The following DPH6 variants were observed in gnomAD, a reference collection of about 807,000 sequenced individuals.
The protein encoded by DPH6 is diphthamine biosynthesis 6.
DPH6 carries 33 observed loss-of-function variants against 38.2 expected under a neutral mutation model. That is an observed-to-expected ratio of 0.86 (90% CI 0.65 to 1.15). The LOEUF is 1.15. Among genes scored for constraint, DPH6 ranks in the 50% most tolerant of loss-of-function variants. The pLI, the probability that DPH6 is intolerant of heterozygous loss-of-function variation, is 0.00. For synonymous variants in DPH6, 108 were observed against 103.0 expected (o/e 1.05, Z -0.30); for missense variants, 325 against 320.0 (o/e 1.02, Z -0.12).
chr15:35,184,510 T>C, the DPH6 span, among the ~76,000 whole-genome samples: 3 of 151,702 alleles, frequency 2.0e-5, no homozygotes, highest in Admixed American at 6.6e-5. Flanking sequence ...AATGGCAAGG[T>C]CAAAAGGATC....
the DPH6 span, among the ~76,000 whole-genome samples, chr15:35,166,001 C>T: frequency 6.6e-6 from 1 of 151,936 alleles, no homozygotes; most frequent in Admixed American, 6.6e-5. Flanking sequence ...AACACACATG[C>T]TAAACCTGGT....
At chr15:35,148,793 G>A in the DPH6 span, among the ~76,000 whole-genome samples, 1 of 151,886 alleles carries the variant, frequency 6.6e-6, no homozygotes. Flanking sequence ...TTCTCAATAA[G>A]TAACTACAGA....
the DPH6 span, among the ~76,000 whole-genome samples, chr15:35,185,376 T>G: frequency 6.6e-6 from 1 of 151,806 alleles, no homozygotes; most frequent in African/African-American, 2.4e-5. Context: ...CAAGCTGGAG[T>G]ATAGTGTTCT....
the DPH6 span, among the ~76,000 whole-genome samples, chr15:35,176,474 C>CT: frequency 0.28 from 40,802 of 145,014 alleles, 5,660 homozygotes; most frequent in East Asian, 0.38. Context: ...GTTGTAAGGT[C>CT]TTTTTTTTTT....
At chr15:35,413,993 G>C (rs1182280166) in intron 5 of DPH6, among the ~76,000 whole-genome samples, 2 of 151,518 alleles carry the variant, frequency 1.3e-5, no homozygotes, top group Non-Finnish European at 1.5e-5. Context: ...AGTATCTTTA[G>C]CATCCTTTAG....
intron 3 of DPH6, chr15:35,238,125 C>A (rs1224773266): frequency 9.7e-6 from 12 of 1,236,154 alleles, no homozygotes; most frequent in Non-Finnish European, 1.4e-5. Flanking sequence ...CATATCCCCT[C>A]CCCCGCTCCA....
At chr15:35,518,591 T>A (rs566830958) in intron 3 of DPH6, among the ~76,000 whole-genome samples, 4 of 152,164 alleles carry the variant, frequency 2.6e-5, no homozygotes, top group African/African-American at 9.6e-5. Context: ...CAGCTTATTT[T>A]AAAAGTTTGG....
intron 3 of DPH6, among the ~76,000 whole-genome samples, chr15:35,221,762 T>G (rs868689441): frequency 9.8e-5 from 15 of 152,356 alleles, no homozygotes; most frequent in Middle Eastern, 6.8e-3. Context: ...TTTTTAATTC[T>G]TTATATGGCC....
chr15:35,254,115 G>T (rs2051692281), intron 3 of DPH6, among the ~76,000 whole-genome samples: 1 of 152,086 alleles, frequency 6.6e-6, no homozygotes, highest in Non-Finnish European at 1.5e-5. Context: ...ACTATTTTAG[G>T]TTACTCAGAA....
chr15:35,274,953 C>T (rs1326454711), intron 3 of DPH6, among the ~76,000 whole-genome samples: 1 of 151,654 alleles, frequency 6.6e-6, no homozygotes, highest in East Asian at 1.9e-4. Context: ...CTGGCTCTGT[C>T]CCCCAGTCTG....
chr15:35,326,559 G>A (rs1169507331), downstream of DPH6, among the ~76,000 whole-genome samples: 1 of 152,054 alleles, frequency 6.6e-6, no homozygotes, highest in Non-Finnish European at 1.5e-5. Context: ...AGCATCCTGA[G>A]TAGTAGGGAC....
chr15:35,167,533 T>C, the DPH6 span, among the ~76,000 whole-genome samples: 7 of 149,598 alleles, frequency 4.7e-5, no homozygotes, highest in Non-Finnish European at 8.9e-5. Context: ...GCAAATTATA[T>C]GGTATTCTGT....
At chr15:35,418,775 T>C (rs2053467119) in intron 5 of DPH6, among the ~76,000 whole-genome samples, 1 of 152,086 alleles carries the variant, frequency 6.6e-6, no homozygotes, top group African/African-American at 2.4e-5. Flanking sequence ...TATCAATTTA[T>C]TATCTATGTC....
At chr15:35,422,084 A>G (rs1278446323) in intron 5 of DPH6, among the ~76,000 whole-genome samples, 1 of 151,936 alleles carries the variant, frequency 6.6e-6, no homozygotes, top group African/African-American at 2.4e-5. Context: ...TGAGCAAATT[A>G]AAAGATGGTG....
At chr15:35,428,562 C>A (rs1293593375) in intron 5 of DPH6, among the ~76,000 whole-genome samples, 1 of 152,080 alleles carries the variant, frequency 6.6e-6, no homozygotes, top group Admixed American at 6.6e-5. Flanking sequence ...GGGCCTGGGG[C>A]AATCTCCTGG....
intron 3 of DPH6, among the ~76,000 whole-genome samples, chr15:35,295,153 A>G (rs1256778190): frequency 6.6e-6 from 1 of 152,158 alleles, no homozygotes; most frequent in Admixed American, 6.5e-5. Context: ...CCCACTTTTC[A>G]TTGTGTTACC....
intron 1 of DPH6, among the ~76,000 whole-genome samples, chr15:35,545,822 C>CG (rs2055340900): frequency 6.6e-6 from 1 of 152,044 alleles, no homozygotes; most frequent in African/African-American, 2.4e-5. Flanking sequence ...ATCCCTCTGG[C>CG]GGTGGGGCCC....
chr15:35,462,504 T>C (rs2054078047), intron 3 of DPH6, among the ~76,000 whole-genome samples: 1 of 152,208 alleles, frequency 6.6e-6, no homozygotes, highest in African/African-American at 2.4e-5. Context: ...CAAACACCTA[T>C]GCTTGTTTCC....
In DPH6 at chr15:35,258,717, TC is replaced by T. The variant is rs1286448575; in HGVS notation, n.201-38136del. 5.3e-5 allele frequency among the ~76,000 whole-genome samples: 8 copies of T among 152,264 alleles called. No homozygotes were observed. In the East Asian group the frequency reaches 1.4e-3, roughly 26 times the overall value. On this transcript the variant is annotated intron_variant and non_coding_transcript_variant, in intron 3 of 3. Coordinates refer to the DPH6 transcript ENST00000560386. Reference sequence around the variant, plus strand: ...TTTTGGGCCAATACTTGAACATTTATCCTTTATAAAGTTTCCTAAGGACTCC... The same window carrying T: ...TTTTGGGCCAATACTTGAACATTTATCTTTATAAAGTTTCCTAAGGACTCC...
Sources: allele counts gnomAD v4.1 joint callset (sites outside exome capture counted in the v4.1 genomes callset), GRCh38; gene constraint gnomAD v4.1.1; transcripts MANE v1.5; gene names NCBI Gene and HGNC (gene_info 2026-07-23, HGNC 2026-07-21).